Variants in DACH1 observed in about 807,000 individuals in gnomAD.
The protein encoded by DACH1 is dachshund homolog 1.
DACH1 carries 12 observed loss-of-function variants against 54.2 expected under a neutral mutation model. The observed-to-expected ratio is 0.22, with a 90% CI of 0.14 to 0.36. The LOEUF (loss-of-function observed/expected upper bound fraction) is 0.36, where lower values mean the gene tolerates loss of function less well. Ranked by LOEUF, DACH1 falls within the 10% of genes least tolerant of loss-of-function variation. The probability of loss-of-function intolerance (pLI) is 1.00; values close to 1 mark genes in which losing one functional copy is unlikely to be tolerated. For missense variants in DACH1, 805 were observed against 929.8 expected (o/e 0.87, Z 1.75); for synonymous variants, 386 against 366.2 (o/e 1.05, Z -0.62).
rs73525466 is a variant in DACH1 at position 71,783,512 on chromosome 13, G to A, written c.848+82410C>T. ...ATAACAGTAATTATAGGATGATTGA[G>A]TTAATTTAAGAAATATCTCCTGTAC... On this transcript the variant is annotated intron_variant, in intron 1 of 10. Transcript: ENST00000613252. 6.6e-3 allele frequency among the ~76,000 whole-genome samples: 1,002 copies of A among 152,176 alleles called. 3 individuals carry two copies. The highest frequency in any genetic ancestry group is 0.023 in the African/African-American group (954 of 41,526).
chr13:71,812,752 T>C (rs183867977), intron 1 of DACH1, among the ~76,000 whole-genome samples: 1 of 139,842 alleles, frequency 7.2e-6, no homozygotes, highest in Non-Finnish European at 1.6e-5. Flanking sequence ...GAGGCTAATG[T>C]TGTGTCCCAC....
At chr13:71,837,895 A>G (rs1888860023) in intron 1 of DACH1, among the ~76,000 whole-genome samples, 1 of 150,150 alleles carries the variant, frequency 6.7e-6, no homozygotes, top group Non-Finnish European at 1.5e-5. Context: ...TCAGTAAACT[A>G]TCGCAAGAAC....
chr13:71,499,904 C>T (rs999149143), intron 6 of DACH1, among the ~76,000 whole-genome samples: 1 of 151,940 alleles, frequency 6.6e-6, no homozygotes, highest in Non-Finnish European at 1.5e-5. Context: ...TTGTAGAGGT[C>T]GTAAGATGTT....
At chr13:71,846,365 G>A (rs1258572464) in intron 1 of DACH1, 2 of 155,158 alleles carry the variant, frequency 1.3e-5, no homozygotes, top group South Asian at 1.9e-4. Flanking sequence ...AATCGGCCGG[G>A]CGTGGTGGCT....
At chr13:71,852,049 G>A (rs991116791) in intron 1 of DACH1, among the ~76,000 whole-genome samples, 2 of 152,116 alleles carry the variant, frequency 1.3e-5, no homozygotes, top group African/African-American at 4.8e-5. Flanking sequence ...AAGCTCTCTG[G>A]CCAATAGGAA....
chr13:71,494,158 G>A (rs1879219240), intron 6 of DACH1, among the ~76,000 whole-genome samples: 1 of 152,116 alleles, frequency 6.6e-6, no homozygotes, highest in Non-Finnish European at 1.5e-5. Flanking sequence ...GTAGGGTCTG[G>A]CAGTTATGCT....
intron 3 of DACH1, among the ~76,000 whole-genome samples, chr13:71,585,929 A>C (rs999621809): frequency 6.6e-6 from 1 of 152,142 alleles, no homozygotes; most frequent in East Asian, 1.9e-4. Flanking sequence ...TGTGTTCTCT[A>C]TCATTAGAGT....
intron 1 of DACH1, among the ~76,000 whole-genome samples, chr13:71,757,522 C>CTTTTTTTTTTTTT (rs71126504): frequency 7.8e-6 from 1 of 128,936 alleles, no homozygotes. Flanking sequence ...TTTAAAGGTA[C>CTTTTTTTTTTTTT]TTTTTTTTTT....
intron 1 of DACH1, among the ~76,000 whole-genome samples, chr13:71,824,332 A>C (rs1156812618): frequency 6.6e-6 from 1 of 151,986 alleles, no homozygotes; most frequent in East Asian, 1.9e-4. Context: ...AAAATAAGGC[A>C]ACATATGTCC....
At chr13:71,466,991 C>T (rs1043409235) in intron 10 of DACH1, among the ~76,000 whole-genome samples, 23 of 151,582 alleles carry the variant, frequency 1.5e-4, no homozygotes, top group Admixed American at 2.0e-4. Flanking sequence ...GTTTCTTTTT[C>T]GTAAGGACCA....
At chr13:71,732,205 C>G (rs1416852296) in intron 1 of DACH1, among the ~76,000 whole-genome samples, 1 of 152,056 alleles carries the variant, frequency 6.6e-6, no homozygotes, top group African/African-American at 2.4e-5. Context: ...ACTTCAAAAG[C>G]TCTGTCCAAT....
intron 10 of DACH1, among the ~76,000 whole-genome samples, chr13:71,470,755 G>A (rs1052977276): frequency 1.3e-5 from 2 of 152,118 alleles, no homozygotes; most frequent in African/African-American, 4.8e-5. Flanking sequence ...TTCCTCGATG[G>A]CTGATTCATT....
Position 71,539,994 on chromosome 13 carries a change from T to C in DACH1, c.1570+17030A>G, listed in dbSNP as rs182078476. On this transcript the variant is annotated intron_variant, in intron 6 of 10. Transcript: ENST00000613252. ...CATCAAAAATATGGTAAATTTTATT[T>C]CAGTATCAATAAAATGATCTATCAT... is the stretch of plus-strand genomic sequence containing the variant. Among the ~76,000 whole-genome samples, 44 of 152,148 alleles carry C rather than the reference T, an allele frequency of 2.9e-4. No individual in the cohort carries two copies. In the East Asian group the frequency reaches 7.9e-3, roughly 27 times the overall value.
intron 4 of DACH1, among the ~76,000 whole-genome samples, chr13:71,572,039 T>C (rs972690196): frequency 1.3e-5 from 2 of 152,150 alleles, no homozygotes; most frequent in Non-Finnish European, 2.9e-5. Context: ...TGTATTGTAT[T>C]CAGAAAAATG....
Position 71,866,911 on chromosome 13 carries a change from G to C in DACH1, c.-142C>G. ...CGGGAGAGAACGAGAAGGAGAAAGG[G>C]AGAGAAGGGGGAGAAAAGGAGGTGA... is the stretch of plus-strand genomic sequence containing the variant. On this transcript the variant is annotated 5_prime_UTR_variant, in exon 1 of 11. Transcript: ENST00000613252. The C allele has an allele frequency of 5.0e-6, 3 of 602,052 alleles. No individual in the cohort carries two copies. Among genetic ancestry groups the C allele is most frequent in the Non-Finnish European group, 7.2e-6 (3 of 417,368 alleles). 37.3% of individuals were successfully genotyped at this position (602,052 alleles called of 1,614,324 possible). A position where few individuals can be genotyped will look rare whatever the true frequency, so the allele number is the denominator to read the frequency against.
intron 1 of DACH1, among the ~76,000 whole-genome samples, chr13:71,806,153 CAA>C (rs1887491799): frequency 6.6e-6 from 1 of 152,036 alleles, no homozygotes; most frequent in South Asian, 2.1e-4. Context: ...AATTTTTCAT[CAA>C]AAGATAATTA....
intron 6 of DACH1, among the ~76,000 whole-genome samples, chr13:71,545,238 G>A (rs1883385545): frequency 6.6e-6 from 1 of 151,830 alleles, no homozygotes; most frequent in South Asian, 2.1e-4. Flanking sequence ...TAATCCCGAG[G>A]ATATTTTCTT....
At chr13:71,449,513 TGGGGCCTGTCA>T (rs977328909) in intron 10 of DACH1, among the ~76,000 whole-genome samples, 3 of 148,688 alleles carry the variant, frequency 2.0e-5, no homozygotes, top group African/African-American at 7.5e-5. Context: ...CATCACACAC[TGGGGCCTGTCA>T]GGGGTTGGGG....
At chr13:71,602,835 G>A (rs1231495750) in intron 3 of DACH1, among the ~76,000 whole-genome samples, 1 of 151,846 alleles carries the variant, frequency 6.6e-6, no homozygotes, top group Admixed American at 6.6e-5. Context: ...AGTCCACATC[G>A]TTACTATCCC....
Sources: allele counts gnomAD v4.1 joint callset (sites outside exome capture counted in the v4.1 genomes callset), GRCh38; gene constraint gnomAD v4.1.1; transcripts MANE v1.5; gene names NCBI Gene and HGNC (gene_info 2026-07-23, HGNC 2026-07-21).